FOXP2: variants seen among roughly 807,000 people sequenced by gnomAD.
FOXP2 encodes the protein forkhead box protein P2.
In FOXP2, 12 loss-of-function variants were observed where a neutral mutation model predicts 115.8. The ratio of observed to expected loss-of-function variants is 0.10; its 90% CI spans 0.07 to 0.17. The LOEUF (loss-of-function observed/expected upper bound fraction) is 0.17, where lower values mean the gene tolerates loss of function less well. FOXP2 is among the 10% of genes least tolerant of loss of function. FOXP2 has a pLI of 1.00. For missense variants in FOXP2, 629 were observed against 843.5 expected (o/e 0.75, Z 3.15); for synonymous variants, 328 against 297.7 (o/e 1.10, Z -1.05).
upstream of FOXP2, among the ~76,000 whole-genome samples, chr7:114,159,949 A>G (rs1011667234): frequency 6.6e-6 from 1 of 152,212 alleles, no homozygotes; most frequent in Non-Finnish European, 1.5e-5. Context: ...GGAAAAGTGT[A>G]TGATTTAATG....
chr7:114,108,036 T>G (rs1458446837), intron 1 of FOXP2, among the ~76,000 whole-genome samples: 1 of 152,012 alleles, frequency 6.6e-6, no homozygotes, highest in Non-Finnish European at 1.5e-5. Context: ...CACATTATTT[T>G]GTGATGTAAC....
chr7:114,339,448 G>T (rs1001314729), intron 2 of FOXP2, among the ~76,000 whole-genome samples: 1 of 151,112 alleles, frequency 6.6e-6, no homozygotes, highest in African/African-American at 2.4e-5. Flanking sequence ...TTCGACAGAT[G>T]ATAACATAAG....
At chr7:114,099,688 G>A (rs1460140003) in intron 1 of FOXP2, among the ~76,000 whole-genome samples, 1 of 152,150 alleles carries the variant, frequency 6.6e-6, no homozygotes, top group Non-Finnish European at 1.5e-5. Context: ...GCGGAGCATT[G>A]GTTCCAGGAC....
chr7:114,154,993 T>C (rs1220293967), intron 1 of FOXP2, among the ~76,000 whole-genome samples: 1 of 152,096 alleles, frequency 6.6e-6, no homozygotes, highest in African/African-American at 2.4e-5. Context: ...ACCCAAAGAT[T>C]ATGTAGATAA....
intron 1 of FOXP2, among the ~76,000 whole-genome samples, chr7:114,123,549 T>C (rs988380306): frequency 2.6e-5 from 4 of 152,044 alleles, no homozygotes; most frequent in Non-Finnish European, 4.4e-5. Flanking sequence ...ACATAGCATA[T>C]TTTAATTAGA....
intron 2 of FOXP2, among the ~76,000 whole-genome samples, chr7:114,482,372 A>T (rs1004912295): frequency 6.6e-6 from 1 of 151,598 alleles, no homozygotes; most frequent in African/African-American, 2.4e-5. Context: ...ATTTAAAGAT[A>T]GCAGTTTGCT....
intron 2 of FOXP2, among the ~76,000 whole-genome samples, chr7:114,335,804 A>T (rs927963644): frequency 6.6e-6 from 1 of 151,742 alleles, no homozygotes; most frequent in African/African-American, 2.4e-5. Flanking sequence ...TTCCTATATA[A>T]TAGGCATGAA....
At chr7:114,553,947 G>A (rs1447708286) in intron 3 of FOXP2, among the ~76,000 whole-genome samples, 1 of 151,892 alleles carries the variant, frequency 6.6e-6, no homozygotes, top group Non-Finnish European at 1.5e-5. Flanking sequence ...CCTTATTGAT[G>A]TTTTCTAGGT....
intron 10 of FOXP2, 179 bp downstream of exon 10, chr7:114,654,188 T>C (rs1806445371): frequency 7.0e-7 from 1 of 1,420,606 alleles, no homozygotes; most frequent in Admixed American, 2.1e-5. Flanking sequence ...TGCTATCTTT[T>C]ACAAAATCTA....
chr7:114,675,008 C>CT (rs945276822), intron 16 of FOXP2, among the ~76,000 whole-genome samples: 3 of 151,916 alleles, frequency 2.0e-5, no homozygotes, highest in Non-Finnish European at 4.4e-5. Flanking sequence ...ATATTATTAG[C>CT]TTTTTTCTGT....
intron 16 of FOXP2, among the ~76,000 whole-genome samples, chr7:114,672,661 A>T (rs1807553085): frequency 6.6e-6 from 1 of 152,068 alleles, no homozygotes; most frequent in African/African-American, 2.4e-5. Flanking sequence ...ACTAAGCAAA[A>T]CTCAACTCAG....
At chr7:114,286,882 C>CT (rs1216172387) in intron 1 of FOXP2, among the ~76,000 whole-genome samples, 1 of 151,966 alleles carries the variant, frequency 6.6e-6, no homozygotes, top group African/African-American at 2.4e-5. Flanking sequence ...TTAATTGGCC[C>CT]TGGACTAAGG....
intron 2 of FOXP2, among the ~76,000 whole-genome samples, chr7:114,529,717 G>T (rs898355855): frequency 1.5e-4 from 22 of 151,702 alleles, no homozygotes; most frequent in African/African-American, 4.1e-4. Flanking sequence ...AGCTACAGAT[G>T]CATAATTTCA....
chr7:114,380,288 AG>A (rs1336692666), intron 2 of FOXP2, among the ~76,000 whole-genome samples: 39 of 152,292 alleles, frequency 2.6e-4, no homozygotes, highest in African/African-American at 8.9e-4. Flanking sequence ...GGACTAGGTA[AG>A]CATACTTAGA....
At chr7:114,610,364 A>G (rs1036268361) in intron 3 of FOXP2, among the ~76,000 whole-genome samples, 2 of 152,200 alleles carry the variant, frequency 1.3e-5, no homozygotes, top group African/African-American at 2.4e-5. Context: ...TAATAAATTT[A>G]CATTACTTTT....
intron 2 of FOXP2, among the ~76,000 whole-genome samples, chr7:114,381,627 G>GT (rs1562895732): frequency 6.6e-6 from 1 of 152,128 alleles, no homozygotes; most frequent in Non-Finnish European, 1.5e-5. Context: ...GCTTCCTCTG[G>GT]TATTTGGGAA....
chr7:114,201,015 G>T (rs1794047972), intron 1 of FOXP2, among the ~76,000 whole-genome samples: 1 of 152,082 alleles, frequency 6.6e-6, no homozygotes, highest in African/African-American at 2.4e-5. Flanking sequence ...AATTAGCTGG[G>T]CATGGTGGCA....
intron 2 of FOXP2, among the ~76,000 whole-genome samples, chr7:114,340,118 T>A (rs988100292): frequency 6.6e-6 from 1 of 151,178 alleles, no homozygotes; most frequent in Non-Finnish European, 1.5e-5. Flanking sequence ...ATAATTTAAT[T>A]AAGGAAATGC....
intron 1 of FOXP2, among the ~76,000 whole-genome samples, chr7:114,251,056 C>T (rs562522300): frequency 7.9e-5 from 12 of 152,262 alleles, no homozygotes; most frequent in East Asian, 7.7e-4. Context: ...AATAGGGAAT[C>T]GTTTCCCCAT....
Sources: gnomAD v4.1 joint callset for allele counts (sites outside exome capture counted in the v4.1 genomes callset) on GRCh38, gnomAD v4.1.1 for gene constraint, MANE v1.5 for transcripts, NCBI Gene and HGNC (gene_info 2026-07-23, HGNC 2026-07-21) for gene names.